DIP2C: variants seen among roughly 807,000 people sequenced by gnomAD.
DIP2C encodes the protein disco-interacting protein 2 homolog C.
Under a neutral mutation model 192.4 loss-of-function variants are expected in DIP2C, and 33 were observed. The ratio of observed to expected loss-of-function variants is 0.17; its 90% CI spans 0.13 to 0.23. The LOEUF (loss-of-function observed/expected upper bound fraction) is 0.23. DIP2C is among the 10% of genes least tolerant of loss of function. The pLI, the probability that DIP2C is intolerant of heterozygous loss-of-function variation, is 1.00. For missense variants in DIP2C, 1,537 were observed against 2,110.1 expected (o/e 0.73, Z 5.32); for synonymous variants, 979 against 864.1 (o/e 1.13, Z -2.33).
chr10:369,679 A>G, intron 17 of DIP2C, 46 bp from the exon 18 acceptor site: 3 of 1,613,766 alleles, frequency 1.9e-6, no homozygotes, highest in Non-Finnish European at 2.5e-6. Flanking sequence ...CAGATAAGCC[A>G]TCACAATCAC....
intron 1 of DIP2C, among the ~76,000 whole-genome samples, chr10:550,365 C>T (rs955863503): frequency 6.6e-6 from 1 of 152,142 alleles, no homozygotes; most frequent in African/African-American, 2.4e-5. Context: ...ATCAGTTTCT[C>T]ATTTGCACTT....
rs147776868 is a variant in DIP2C, at chr10:517,962, C to G, written c.86-31432G>C. On this transcript the variant is annotated intron_variant, in intron 1 of 36. Coordinates refer to ENST00000280886, the MANE Select transcript of DIP2C (RefSeq NM_014974.3). ...GCCAAATCATGCTATTCCTACACCT[C>G]CACAGGAAACTCAACGTTTCATCAA... Among the ~76,000 whole-genome samples the G allele has an allele frequency of 4.6e-5, 7 of 152,338 alleles. No individual in the cohort carries two copies. In the East Asian group the frequency reaches 9.6e-4, roughly 21 times the overall value.
chr10:479,521 A>C (rs1273669496), intron 2 of DIP2C, among the ~76,000 whole-genome samples: 3 of 151,852 alleles, frequency 2.0e-5, no homozygotes, highest in African/African-American at 7.3e-5. Context: ...TTTTTAGTAG[A>C]GATGGGGTTT....
chr10:589,000 G>A (rs1024902615), intron 1 of DIP2C, among the ~76,000 whole-genome samples: 3 of 152,182 alleles, frequency 2.0e-5, no homozygotes, highest in Non-Finnish European at 2.9e-5. Flanking sequence ...CCACCACCTG[G>A]TGCTGAAGAC....
chr10:670,301 TAC>T (rs1830565241), intron 1 of DIP2C, among the ~76,000 whole-genome samples: 5 of 151,524 alleles, frequency 3.3e-5, no homozygotes, highest in African/African-American at 1.2e-4. Flanking sequence ...TGCACACACA[TAC>T]GCACATACAT....
rs995469329 is a variant in DIP2C at position 625,719 on chromosome 10, G to C, written c.85+63775C>G. Among the ~76,000 whole-genome samples, 46 of 152,346 alleles carry C rather than the reference G, an allele frequency of 3.0e-4. 1 individual carries two copies. Among genetic ancestry groups the C allele is most frequent in the Non-Finnish European group, 1.0e-4 (7 of 68,040 alleles). On this transcript the variant is annotated intron_variant, in intron 1 of 36. Transcript: ENST00000280886. ...CTTAATAGTTCCAGTAAATGCAAAG[G>C]CCGCCCTGGAAAACTGCGTGAACCT...
chr10:411,685 T>A (rs1347177812), intron 8 of DIP2C, among the ~76,000 whole-genome samples: 1 of 151,872 alleles, frequency 6.6e-6, no homozygotes, highest in African/African-American at 2.4e-5. Context: ...ACAATTCTCA[T>A]TCGATACCAA....
At chr10:383,008 GTAACT>G (rs1299086770) in intron 16 of DIP2C, among the ~76,000 whole-genome samples, 9 of 152,172 alleles carry the variant, frequency 5.9e-5, no homozygotes, top group African/African-American at 2.2e-4. Context: ...ACTTACTTTA[GTAACT>G]TTTCTGAGAC....
At chr10:582,248 G>A (rs904008958) in intron 1 of DIP2C, among the ~76,000 whole-genome samples, 4 of 152,208 alleles carry the variant, frequency 2.6e-5, no homozygotes, top group African/African-American at 4.8e-5. Context: ...ACCAGCCCAG[G>A]TGGAGACACC....
chr10:472,376 C>A, intron 3 of DIP2C, 63 bp downstream of exon 3: 1 of 1,495,634 alleles, frequency 6.7e-7, no homozygotes. Flanking sequence ...AGTGGCTGGG[C>A]ACAGGCACCG....
intron 32 of DIP2C, among the ~76,000 whole-genome samples, chr10:309,330 A>G (rs1956472560): frequency 6.6e-6 from 1 of 152,080 alleles, no homozygotes; most frequent in South Asian, 2.1e-4. Context: ...GAGGCCACAT[A>G]GAGAAGGTAA....
At chr10:405,679 T>G (rs1964751187) in intron 9 of DIP2C, among the ~76,000 whole-genome samples, 1 of 152,198 alleles carries the variant, frequency 6.6e-6, no homozygotes, top group African/African-American at 2.4e-5. Context: ...ATGGCTTCCC[T>G]CCGTTCAATC....
At chr10:509,677 G>T (rs537163949) in intron 1 of DIP2C, among the ~76,000 whole-genome samples, 1 of 152,154 alleles carries the variant, frequency 6.6e-6, no homozygotes, top group African/African-American at 2.4e-5. Flanking sequence ...ATCTAAGGGG[G>T]CTCATAAGCA....
intron 31 of DIP2C, among the ~76,000 whole-genome samples, chr10:311,838 G>C (rs1250671371): frequency 6.6e-6 from 1 of 152,206 alleles, no homozygotes; most frequent in African/African-American, 2.4e-5. Flanking sequence ...CAACAGAAGA[G>C]GGTGTAGCAG....
chr10:612,951 T>TC (rs2131788122), intron 1 of DIP2C, among the ~76,000 whole-genome samples: 1 of 152,214 alleles, frequency 6.6e-6, no homozygotes, highest in South Asian at 2.1e-4. Flanking sequence ...CCGGCCCCCC[T>TC]CCCAGTGGGT....
intron 1 of DIP2C, among the ~76,000 whole-genome samples, chr10:573,709 T>A (rs1266454393): frequency 6.6e-6 from 1 of 152,030 alleles, no homozygotes; most frequent in Non-Finnish European, 1.5e-5. Context: ...CACGCCGGCT[T>A]TTTTTTTCCT....
At chr10:513,095 G>A (rs1846127530) in intron 1 of DIP2C, among the ~76,000 whole-genome samples, 1 of 152,084 alleles carries the variant, frequency 6.6e-6, no homozygotes, top group African/African-American at 2.4e-5. Flanking sequence ...CATGCTAAAA[G>A]CACATGCATT....
rs150393679 is a variant in DIP2C at position 648,598 on chromosome 10, C to T, written c.85+40896G>A. On this transcript the variant is annotated intron_variant, in intron 1 of 36. Transcript: ENST00000280886. ...CAAGAACAGAGGGAAACTGAGTCCA[C>T]GTCCACATTTGAGGGTGGGTGAGAA... is the stretch of plus-strand genomic sequence containing the variant. Among the ~76,000 whole-genome samples, 910 of 151,694 alleles carry T rather than the reference C, an allele frequency of 6.0e-3. 4 individuals are homozygous for T. Among genetic ancestry groups the T allele is most frequent in the African/African-American group, 0.02 (825 of 41,320 alleles).
At chr10:481,536 A>G (rs997938075) in intron 2 of DIP2C, among the ~76,000 whole-genome samples, 3 of 152,116 alleles carry the variant, frequency 2.0e-5, no homozygotes, top group African/African-American at 7.2e-5. Context: ...AAGATAATAA[A>G]ATTCCACTGA....
Sources: gnomAD v4.1 joint callset for allele counts (sites outside exome capture counted in the v4.1 genomes callset) on GRCh38, gnomAD v4.1.1 for gene constraint, MANE v1.5 for transcripts, NCBI Gene and HGNC (gene_info 2026-07-23, HGNC 2026-07-21) for gene names.